Variants in ZFHX3 observed in about 807,000 individuals in gnomAD.
The protein encoded by ZFHX3 is zinc finger homeobox 3.
In ZFHX3, 42 loss-of-function variants were observed where a neutral mutation model predicts 279.1. That is an observed-to-expected ratio of 0.15 (90% CI 0.12 to 0.19). ZFHX3 has a LOEUF of 0.19. Ranked by LOEUF, ZFHX3 falls within the 10% of genes least tolerant of loss-of-function variation. ZFHX3 has a pLI of 1.00. For synonymous variants in ZFHX3, 2,293 were observed against 1,957.8 expected, an observed-to-expected ratio of 1.17 and a Z score of -4.52; for missense variants, 4,981 against 4,754.0, an observed-to-expected ratio of 1.05 and a Z score of -1.40.
At chr16:73,115,510 A>T (rs976802701) in intron 7 of ZFHX3, among the ~76,000 whole-genome samples, 2 of 151,854 alleles carry the variant, frequency 1.3e-5, no homozygotes, top group Non-Finnish European at 2.9e-5. Context: ...GGATCATGCC[A>T]CTGCACTCCA....
chr16:72,842,210 GT>G (rs368055645), intron 4 of ZFHX3, among the ~76,000 whole-genome samples: 4 of 148,998 alleles, frequency 2.7e-5, no homozygotes, highest in South Asian at 2.1e-4. Flanking sequence ...TTGTTTTTTT[GT>G]TTTTTTTTTC....
intron 5 of ZFHX3, among the ~76,000 whole-genome samples, chr16:73,248,211 T>C (rs1468360384): frequency 1.3e-5 from 2 of 151,878 alleles, no homozygotes; most frequent in African/African-American, 2.4e-5. Flanking sequence ...TGTGTGTATA[T>C]ATGTGTGTGT....
intron 2 of ZFHX3, among the ~76,000 whole-genome samples, chr16:73,555,627 T>C (rs1214561716): frequency 6.6e-6 from 1 of 151,384 alleles, no homozygotes; most frequent in Non-Finnish European, 1.5e-5. Flanking sequence ...GGCCAGGAGT[T>C]CAAAACCAGC....
chr16:73,159,902 G>A (rs1278867675), intron 5 of ZFHX3, among the ~76,000 whole-genome samples: 1 of 151,926 alleles, frequency 6.6e-6, no homozygotes, highest in Non-Finnish European at 1.5e-5. Context: ...AGCTGGGACT[G>A]CAGGTGCGTG....
chr16:73,186,169 A>T (rs555996594), intron 5 of ZFHX3, among the ~76,000 whole-genome samples: 1 of 152,280 alleles, frequency 6.6e-6, no homozygotes, highest in East Asian at 1.9e-4. Flanking sequence ...ATAATTCATT[A>T]TATGTTACAA....
chr16:73,860,308 G>T (rs527563581), intron 1 of ZFHX3, among the ~76,000 whole-genome samples: 8 of 151,970 alleles, frequency 5.3e-5, no homozygotes, highest in Non-Finnish European at 1.2e-4. Context: ...CCTTTTGAAG[G>T]TTCTCTGTGC....
chr16:72,887,743 T>C (rs2038665700), intron 4 of ZFHX3, among the ~76,000 whole-genome samples: 1 of 150,886 alleles, frequency 6.6e-6, no homozygotes, highest in Admixed American at 6.6e-5. Context: ...GTGTAGTATA[T>C]GGCTTGTGTG....
chr16:73,812,643 A>G (rs942861094), intron 1 of ZFHX3: 1 of 152,246 alleles, frequency 6.6e-6, no homozygotes, highest in Non-Finnish European at 1.5e-5. Context: ...TTAACCCTGT[A>G]AGAGCTAGCC....
At chr16:73,667,237 G>T (rs573663548) in intron 2 of ZFHX3, among the ~76,000 whole-genome samples, 3 of 152,018 alleles carry the variant, frequency 2.0e-5, no homozygotes, top group Admixed American at 2.0e-4. Context: ...TGATCCACCC[G>T]CCTCAGCCTC....
At chr16:73,489,531 A>G (rs1452827024) in intron 2 of ZFHX3, among the ~76,000 whole-genome samples, 1 of 152,232 alleles carries the variant, frequency 6.6e-6, no homozygotes, top group African/African-American at 2.4e-5. Context: ...CACTCTTATT[A>G]CCTGATGCAT....
chr16:73,592,617 A>T (rs753002770), intron 2 of ZFHX3, among the ~76,000 whole-genome samples: 2 of 152,156 alleles, frequency 1.3e-5, no homozygotes, highest in Non-Finnish European at 2.9e-5. Flanking sequence ...GAGTAGGAGG[A>T]AATGTGAATG....
At chr16:73,456,565 G>A (rs1000123585) in intron 2 of ZFHX3, among the ~76,000 whole-genome samples, 3 of 152,244 alleles carry the variant, frequency 2.0e-5, no homozygotes, top group Non-Finnish European at 2.9e-5. Context: ...AGGACACTAT[G>A]TTCTGATAGG....
chr16:73,833,396 G>A (rs1237476453), intron 1 of ZFHX3, among the ~76,000 whole-genome samples: 2 of 152,126 alleles, frequency 1.3e-5, no homozygotes, highest in Non-Finnish European at 2.9e-5. Context: ...TTCCTTGCAA[G>A]ATGGGAAAAG....
At chr16:73,198,090 G>T (rs1968193271) in intron 5 of ZFHX3, among the ~76,000 whole-genome samples, 1 of 151,548 alleles carries the variant, frequency 6.6e-6, no homozygotes, top group Non-Finnish European at 1.5e-5. Context: ...GGCGCGTGCT[G>T]CCATGACCGG....
chr16:73,715,189 C>T (rs976404590), intron 1 of ZFHX3, among the ~76,000 whole-genome samples: 1 of 152,092 alleles, frequency 6.6e-6, no homozygotes, highest in Non-Finnish European at 1.5e-5. Flanking sequence ...TTTCCCATCA[C>T]GTGCCTGCTT....
At chr16:73,794,623 G>A (rs1398015939) in intron 1 of ZFHX3, among the ~76,000 whole-genome samples, 2 of 152,160 alleles carry the variant, frequency 1.3e-5, no homozygotes, top group African/African-American at 4.8e-5. Context: ...CTGAGGCCCT[G>A]TAAGAGTAGA....
chr16:72,902,135 A>G (rs1472681727), intron 3 of ZFHX3, among the ~76,000 whole-genome samples: 2 of 152,218 alleles, frequency 1.3e-5, no homozygotes, highest in Non-Finnish European at 2.9e-5. Context: ...GGGGATCAAT[A>G]GAGGCAATCG....
intron 4 of ZFHX3, among the ~76,000 whole-genome samples, chr16:73,274,097 T>G (rs2014229251): frequency 6.6e-6 from 1 of 152,096 alleles, no homozygotes; most frequent in Non-Finnish European, 1.5e-5. Context: ...TGAGCTGAGA[T>G]CACACCACTG....
chr16:73,596,188 A>T (rs2052048327), intron 2 of ZFHX3, among the ~76,000 whole-genome samples: 1 of 151,542 alleles, frequency 6.6e-6, no homozygotes, highest in African/African-American at 2.4e-5. Context: ...CGCCCGGCTA[A>T]TTTTTCGTAT....
Sources: gnomAD v4.1 joint callset for allele counts (sites outside exome capture counted in the v4.1 genomes callset) on GRCh38, gnomAD v4.1.1 for gene constraint, MANE v1.5 for transcripts, NCBI Gene and HGNC (gene_info 2026-07-23, HGNC 2026-07-21) for gene names.